Variants in RIMS3 observed in about 807,000 individuals in gnomAD.
The protein encoded by RIMS3 is regulating synaptic membrane exocytosis protein 3.
In RIMS3, 15 loss-of-function variants were observed where a neutral mutation model predicts 29.2. The observed-to-expected ratio is 0.51, with a 90% confidence interval of 0.34 to 0.79. The LOEUF (loss-of-function observed/expected upper bound fraction) is 0.79, where lower values mean the gene tolerates loss of function less well. Ranked by LOEUF, RIMS3 falls within the 30% of genes least tolerant of loss-of-function variation. The pLI is 0.01. For synonymous variants in RIMS3, 161 were observed against 170.1 expected, an observed-to-expected ratio of 0.95 and a Z score of 0.41; for missense variants, 342 against 421.4, an observed-to-expected ratio of 0.81 and a Z score of 1.65.
At chr1:40,651,292 C>T (rs1445991098) in intron 1 of RIMS3, among the ~76,000 whole-genome samples, 3 of 152,150 alleles carry the variant, frequency 2.0e-5, no homozygotes, top group East Asian at 1.9e-4. Flanking sequence ...AAGACAGACA[C>T]GGGGAGAGCG....
chr1:40,660,494 C>T (rs1362162363), intron 1 of RIMS3, among the ~76,000 whole-genome samples: 1 of 151,814 alleles, frequency 6.6e-6, no homozygotes, highest in African/African-American at 2.4e-5. Context: ...CCTCCCACCT[C>T]AGCCCCCCAA....
intron 1 of RIMS3, among the ~76,000 whole-genome samples, chr1:40,660,075 G>A (rs1010631623): frequency 5.3e-5 from 8 of 152,230 alleles, no homozygotes; most frequent in African/African-American, 1.9e-4. Flanking sequence ...GTGGCCTGGA[G>A]GGGGTGGTGG....
chr1:40,684,437 G>A, the RIMS3 span, among the ~76,000 whole-genome samples: 2 of 152,142 alleles, frequency 1.3e-5, no homozygotes, highest in African/African-American at 4.8e-5. Context: ...CTTTAGAAGG[G>A]CTTTTCTTAG....
At chr1:40,672,488 G>A in the RIMS3 span, among the ~76,000 whole-genome samples, 2 of 152,128 alleles carry the variant, frequency 1.3e-5, no homozygotes, top group East Asian at 1.9e-4. Context: ...GTGAGCCACC[G>A]TGCCTGGCCG....
intron 3 of RIMS3, among the ~76,000 whole-genome samples, chr1:40,640,877 T>C (rs1390278286): frequency 6.6e-6 from 1 of 152,238 alleles, no homozygotes; most frequent in Non-Finnish European, 1.5e-5. Flanking sequence ...GGTCTGTGCA[T>C]GTGTAATCAG....
chr1:40,687,269 G>A, the RIMS3 span, among the ~76,000 whole-genome samples: 3 of 152,226 alleles, frequency 2.0e-5, no homozygotes, highest in African/African-American at 4.8e-5. Flanking sequence ...GATGCACAAC[G>A]TGAACAGGCT....
At chr1:40,673,857 C>A in the RIMS3 span, among the ~76,000 whole-genome samples, 413 of 152,274 alleles carry the variant, frequency 2.7e-3, 4 homozygotes, top group African/African-American at 9.4e-3. Flanking sequence ...CTCTCTGAGC[C>A]TGTTTCCTTC....
chr1:40,663,637 A>G (rs966579082), intron 1 of RIMS3, among the ~76,000 whole-genome samples: 1 of 152,222 alleles, frequency 6.6e-6, no homozygotes, highest in Non-Finnish European at 1.5e-5. Flanking sequence ...AAGCCCAGAG[A>G]GTAGCAGCTT....
At chr1:40,642,040 C>T in intron 2 of RIMS3, 84 bp from the exon 3 acceptor site, 1 of 815,608 alleles carries the variant, frequency 1.2e-6, no homozygotes, top group South Asian at 1.5e-5. Flanking sequence ...GCTGCGTGAC[C>T]TTGGGCTAGT....
chr1:40,653,578 G>A (rs1331830021), intron 1 of RIMS3, among the ~76,000 whole-genome samples: 1 of 152,206 alleles, frequency 6.6e-6, no homozygotes, highest in African/African-American at 2.4e-5. Context: ...GGGGCTGGAT[G>A]CATTGGGGAG....
chr1:40,667,194 G>A (rs139878884), upstream of RIMS3, among the ~76,000 whole-genome samples: 28 of 152,320 alleles, frequency 1.8e-4, no homozygotes, highest in East Asian at 1.3e-3. Flanking sequence ...CTCAAAGTGC[G>A]TTCCATAGCT....
the RIMS3 span, among the ~76,000 whole-genome samples, chr1:40,674,778 G>C: frequency 6.6e-6 from 1 of 152,140 alleles, no homozygotes; most frequent in Non-Finnish European, 1.5e-5. Context: ...CAGCAAGAAG[G>C]CCCTTGCCAG....
chr1:40,670,574 T>TATATATATATA (rs1642479702), upstream of RIMS3, among the ~76,000 whole-genome samples: 6 of 71,210 alleles, frequency 8.4e-5, no homozygotes, highest in Non-Finnish European at 1.2e-4. Flanking sequence ...AGTTATAATT[T>TATATATATATA]TATATATATA....
intron 4 of RIMS3, among the ~76,000 whole-genome samples, chr1:40,634,924 A>C (rs1262552429): frequency 6.6e-6 from 1 of 151,232 alleles, no homozygotes; most frequent in South Asian, 2.1e-4. Flanking sequence ...GTGGGCAACA[A>C]GAGCAAAACT....
the RIMS3 span, among the ~76,000 whole-genome samples, chr1:40,671,433 C>T: frequency 6.6e-6 from 1 of 152,134 alleles, no homozygotes; most frequent in Non-Finnish European, 1.5e-5. Flanking sequence ...AATTTGTAAT[C>T]CCCAGTGTTG....
chr1:40,663,736 AGACAGT>A (rs1166358187), intron 1 of RIMS3, among the ~76,000 whole-genome samples: 1 of 152,180 alleles, frequency 6.6e-6, no homozygotes, highest in Non-Finnish European at 1.5e-5. Flanking sequence ...AGAATAGTTA[AGACAGT>A]GACACAGACC....
At chr1:40,632,555 T>G (rs1646496428) in intron 5 of RIMS3, among the ~76,000 whole-genome samples, 1 of 150,832 alleles carries the variant, frequency 6.6e-6, no homozygotes, top group African/African-American at 2.4e-5. Flanking sequence ...ACATATCACT[T>G]CCTTTGCATG....
chr1:40,649,323 A>C (rs1039841584), intron 1 of RIMS3, among the ~76,000 whole-genome samples: 1 of 152,138 alleles, frequency 6.6e-6, no homozygotes, highest in African/African-American at 2.4e-5. Context: ...ACCACCCCCC[A>C]CTAAGATACT....
Position 40,663,333 on chromosome 1 carries a change from C to G in RIMS3, c.-207+2061G>C, listed in dbSNP as rs143870948. ...ATTGACTGGGGGGTACACACAGAGA[C>G]CTCTCCAAGGTGGTGCCCCTGGAGT... On this transcript the variant is annotated intron_variant, in intron 1 of 7. Coordinates refer to ENST00000372684, the MANE Select transcript of RIMS3 (RefSeq NM_014747.3). 6.0e-4 allele frequency among the ~76,000 whole-genome samples: 92 copies of G among 152,296 alleles called. 1 individual carries two copies. Among genetic ancestry groups the G allele is most frequent in the African/African-American group, 2.1e-3 (88 of 41,554 alleles).
Sources: gnomAD v4.1 joint callset for allele counts (sites outside exome capture counted in the v4.1 genomes callset) on GRCh38, gnomAD v4.1.1 for gene constraint, MANE v1.5 for transcripts, NCBI Gene and HGNC (gene_info 2026-07-23, HGNC 2026-07-21) for gene names.